AFM: variants seen among roughly 807,000 people sequenced by gnomAD.
AFM encodes the protein alpha-Alb.
Under a neutral mutation model 68.7 loss-of-function variants are expected in AFM, and 82 were observed. That is an observed-to-expected ratio of 1.19 (90% CI 1.00 to 1.43). The LOEUF is 1.43. Ranked by LOEUF, AFM falls within the 40% of genes most tolerant of loss-of-function variation. AFM has a pLI of 0.00. For missense variants in AFM, 772 were observed against 701.8 expected, an observed-to-expected ratio of 1.10 and a Z score of -1.13; for synonymous variants, 250 against 234.2, an observed-to-expected ratio of 1.07 and a Z score of -0.61.
chr4:73,490,489 G>A (rs568919009), intron 7 of AFM, among the ~76,000 whole-genome samples: 2 of 152,132 alleles, frequency 1.3e-5, no homozygotes, highest in East Asian at 1.9e-4. Flanking sequence ...CAATGATCTC[G>A]GCTCACTGCA....
chr4:73,488,601 T>C, intron 6 of AFM, 29 bp from the exon 7 acceptor site: 1 of 1,591,046 alleles, frequency 6.3e-7, no homozygotes, highest in Non-Finnish European at 8.6e-7. Flanking sequence ...GTTCAAATTA[T>C]TTTTGTGGTT....
intron 3 of AFM, among the ~76,000 whole-genome samples, chr4:73,485,635 A>AGAG (rs1222267004): frequency 6.9e-6 from 1 of 144,794 alleles, no homozygotes; most frequent in African/African-American, 2.5e-5. Flanking sequence ...AAGAAAAAGA[A>AGAG]GAGGAAGAAG....
intron 14 of AFM, 109 bp downstream of exon 14, chr4:73,503,219 A>G: frequency 2.4e-6 from 2 of 840,284 alleles, no homozygotes; most frequent in South Asian, 3.3e-5. Flanking sequence ...TCCTACATGA[A>G]CAAGAAATGC....
At position 73,501,486 on chromosome 4, in the gene AFM, C is replaced by T. The variant is rs185984985; in HGVS notation, c.1647-301C>T. On this transcript the variant is annotated intron_variant, in intron 12 of 14. Transcript: ENST00000226355. Reference sequence around the variant, plus strand: ...TACTACTGAATACTAGAACTTATTACTGCTATCTAATTGTATTTTTGTACT... The same window carrying T: ...TACTACTGAATACTAGAACTTATTATTGCTATCTAATTGTATTTTTGTACT... 5.3e-5 allele frequency among the ~76,000 whole-genome samples: 8 copies of T among 152,126 alleles called. No individual in the cohort carries two copies. The East Asian group carries it at 1.5e-3, about 29-fold the overall frequency.
chr4:73,500,906 G>A (rs1320825962), intron 12 of AFM, among the ~76,000 whole-genome samples: 1 of 152,024 alleles, frequency 6.6e-6, no homozygotes, highest in Non-Finnish European at 1.5e-5. Context: ...TTCTAGTCTG[G>A]TCTATTTTAT....
At chr4:73,488,029 G>A (rs531758589) in intron 6 of AFM, among the ~76,000 whole-genome samples, 1 of 152,198 alleles carries the variant, frequency 6.6e-6, no homozygotes, top group South Asian at 2.1e-4. Flanking sequence ...AAAGAGAATG[G>A]TGGCTGGGTC....
At chr4:73,486,157 T>C in intron 4 of AFM, 84 bp downstream of exon 4, 1 of 1,128,914 alleles carries the variant, frequency 8.9e-7, no homozygotes, top group East Asian at 2.4e-5. Context: ...TAAATATGGC[T>C]GGGTTCATTA....
At chr4:73,495,756 G>A (rs1721237323) in intron 9 of AFM, among the ~76,000 whole-genome samples, 1 of 152,174 alleles carries the variant, frequency 6.6e-6, no homozygotes, top group Admixed American at 6.5e-5. Flanking sequence ...AATGATTGCT[G>A]TAGATGACTA....
intron 9 of AFM, 145 bp from the exon 10 acceptor site, chr4:73,497,507 C>T: frequency 2.4e-6 from 1 of 414,450 alleles, no homozygotes; most frequent in Non-Finnish European, 4.2e-6. Context: ...CTTGCACGTG[C>T]TTGTAAAAAG....
chr4:73,486,562 G>C (rs1720907680), intron 4 of AFM, among the ~76,000 whole-genome samples: 1 of 152,188 alleles, frequency 6.6e-6, no homozygotes. Flanking sequence ...CAGGACCCCT[G>C]AATCTCAGAT....
rs185189912 is a variant in AFM at position 73,490,214 on chromosome 4, A to C, written c.843+1455A>C. 1.6e-3 allele frequency among the ~76,000 whole-genome samples: 250 copies of C among 152,086 alleles called. 5 individuals carry two copies. In the East Asian group the frequency reaches 0.035, roughly 21 times the overall value. ...AAAAAAAAAAAAAAAGAAAGAAAGA[A>C]AGATTCAACTTTTAGGCTTACAGTG... is the stretch of plus-strand genomic sequence containing the variant. On this transcript the variant is annotated intron_variant, in intron 7 of 14. Coordinates refer to ENST00000226355, the MANE Select transcript of AFM (RefSeq NM_001133.2).
At position 73,503,067 on chromosome 4, in the gene AFM, C is replaced by T. The variant is rs780988741; in HGVS notation, c.1797C>T (p.Asn599=). The part of the protein sequence containing the change: ...CFNEESPKIG[N] The stretch of plus-strand genomic sequence containing the variant: ...CACCTCAGAGTCCAAAAATTGGCAA[C>T]TGAAGCCAGCTGCTGGAGATATGTA... Residue 599 remains asparagine (N), a synonymous_variant, in exon 14 of 15, where the codon AAC becomes AAT. Transcript: ENST00000226355. 4 of 1,613,162 alleles carry T rather than the reference C, an allele frequency of 2.5e-6. No individual in the cohort carries two copies. The Admixed American group carries it at 6.7e-5, about 27-fold the overall frequency.
rs1278937259 is a variant in AFM at position 73,499,339 on chromosome 4, C to T, written c.1422+93C>T. 4 of 1,207,184 alleles carry T rather than the reference C, an allele frequency of 3.3e-6. No individual in the cohort carries two copies. The African/African-American group carries it at 6.3e-5, about 19-fold the overall frequency. The allele number at this position is 1,207,184 out of a possible 1,614,324, so 74.8% of individuals were successfully genotyped here. On this transcript the variant is annotated intron_variant, in intron 11 of 14. Coordinates refer to ENST00000226355, the MANE Select transcript of AFM (RefSeq NM_001133.2). ...TTGATTTACCGTGATTATCCATATT[C>T]CTTTCTTCACTGTTTTAATATTGTT... is the stretch of plus-strand genomic sequence containing the variant.
intron 4 of AFM, 44 bp from the exon 5 acceptor site, chr4:73,486,923 T>C: frequency 6.3e-7 from 1 of 1,588,710 alleles, no homozygotes; most frequent in Non-Finnish European, 8.6e-7. Context: ...GCTTCCTGTT[T>C]CTTCCCTCAC....
At chr4:73,502,744 G>A (rs1055634251) in intron 13 of AFM, among the ~76,000 whole-genome samples, 1 of 151,940 alleles carries the variant, frequency 6.6e-6, no homozygotes, top group Non-Finnish European at 1.5e-5. Flanking sequence ...ATTTTTCTGG[G>A]GTACATATTA....
chr4:73,488,081 A>G (rs1720960218), intron 6 of AFM, among the ~76,000 whole-genome samples: 1 of 152,082 alleles, frequency 6.6e-6, no homozygotes, highest in Admixed American at 6.6e-5. Context: ...ACTGCTCTGG[A>G]TGTTTCAAAC....
intron 1 of AFM, among the ~76,000 whole-genome samples, chr4:73,482,441 T>G (rs1036706755): frequency 6.6e-6 from 1 of 152,208 alleles, no homozygotes; most frequent in Admixed American, 6.5e-5. Flanking sequence ...CTTTTTGGCC[T>G]AGAAGGAGCT....
At chr4:73,494,177 T>C (rs1054971571) in intron 8 of AFM, among the ~76,000 whole-genome samples, 1 of 151,924 alleles carries the variant, frequency 6.6e-6, no homozygotes, top group East Asian at 1.9e-4. Flanking sequence ...ACTACTGCCA[T>C]GGGATATGGG....
At chr4:73,498,998 C>T (rs1577980907) in intron 10 of AFM, 116 bp from the exon 11 acceptor site, 2 of 1,006,070 alleles carry the variant, frequency 2.0e-6, no homozygotes, top group East Asian at 2.7e-5. Flanking sequence ...AGCTAAGGTT[C>T]ATGTTGCACC....
Sources: allele counts gnomAD v4.1 joint callset (sites outside exome capture counted in the v4.1 genomes callset), GRCh38; gene constraint gnomAD v4.1.1; transcripts MANE v1.5; gene names NCBI Gene and HGNC (gene_info 2026-07-23, HGNC 2026-07-21).